Variants in ABCC9 observed in about 807,000 individuals in gnomAD.
ABCC9 encodes ATP-binding cassette sub-family C member 9.
In ABCC9, 95 loss-of-function variants were observed where a neutral mutation model predicts 188.3. The observed-to-expected ratio is 0.50, with a 90% CI of 0.43 to 0.60. The LOEUF (loss-of-function observed/expected upper bound fraction) is 0.60, where lower values mean the gene tolerates loss of function less well. ABCC9 is among the 20% of genes least tolerant of loss of function. The probability of loss-of-function intolerance (pLI) is 0.00; values close to 1 mark genes in which losing one functional copy is unlikely to be tolerated. For synonymous variants in ABCC9, 659 were observed against 652.7 expected (o/e 1.01, Z -0.15); for missense variants, 1,102 against 1,876.3 (o/e 0.59, Z 7.62).
intron 15 of ABCC9, among the ~76,000 whole-genome samples, chr12:21,886,499 A>G (rs773707359): frequency 6.6e-6 from 1 of 151,920 alleles, no homozygotes; most frequent in South Asian, 2.1e-4. Context: ...TCTAACCATC[A>G]TCCTCTCCTG....
At chr12:21,817,655 C>T (rs1480508275) in intron 32 of ABCC9, among the ~76,000 whole-genome samples, 1 of 152,018 alleles carries the variant, frequency 6.6e-6, no homozygotes, top group East Asian at 1.9e-4. Context: ...GACACGGATC[C>T]CAAACAGCTT....
Position 21,915,905 on chromosome 12 carries a change from A to G in ABCC9, c.579T>C (p.Tyr193=), listed in dbSNP as rs755954331. The change falls in exon 7 of 40, where the codon TAT becomes TAC. Residue 193 remains tyrosine (Y), a synonymous_variant. Coordinates refer to ENST00000261200, the MANE Select transcript of ABCC9 (RefSeq NM_020297.4). ...CTTTCTGAGGATTCATGAAAAATACATATCTCTGTGGCAAGAAAAATTCCA... is the reference window on the plus strand; with the variant it reads ...CTTTCTGAGGATTCATGAAAAATACGTATCTCTGTGGCAAGAAAAATTCCA... The part of the protein sequence containing the change: ...VEINVIRVRR[Y]VFFMNPQKVK... 4.3e-6 allele frequency: 7 copies of G among 1,612,166 alleles called. No individual in the cohort carries two copies. Among genetic ancestry groups the G allele is most frequent in the East Asian group, 2.2e-5 (1 of 44,770 alleles).
At chr12:21,837,812 T>A (rs1944178211) in intron 30 of ABCC9, among the ~76,000 whole-genome samples, 1 of 152,174 alleles carries the variant, frequency 6.6e-6, no homozygotes, top group South Asian at 2.1e-4. Context: ...GAAACCAAGG[T>A]TAGAGAATTC....
intron 22 of ABCC9, among the ~76,000 whole-genome samples, chr12:21,857,912 T>A (rs1225547422): frequency 6.6e-6 from 1 of 152,140 alleles, no homozygotes; most frequent in African/African-American, 2.4e-5. Context: ...TTATGGCAAT[T>A]TTTTATAGCA....
At chr12:21,866,434 G>A (rs931465017) in intron 18 of ABCC9, among the ~76,000 whole-genome samples, 1 of 152,024 alleles carries the variant, frequency 6.6e-6, no homozygotes, top group South Asian at 2.1e-4. Flanking sequence ...ACCTATAATC[G>A]TTCTTATAAA....
intron 7 of ABCC9, 87 bp from the exon 8 acceptor site, chr12:21,913,153 T>C: frequency 8.5e-7 from 1 of 1,174,126 alleles, no homozygotes; most frequent in East Asian, 2.4e-5. Flanking sequence ...GGAAATTCCT[T>C]CTTATACTTC....
chr12:21,937,130 G>A (rs756370115), intron 2 of ABCC9, among the ~76,000 whole-genome samples: 7 of 152,116 alleles, frequency 4.6e-5, no homozygotes, highest in Non-Finnish European at 1.0e-4. Context: ...AAGTTGTTCA[G>A]TAAACTGTGA....
At chr12:21,930,027 C>T (rs1443032502) in intron 4 of ABCC9, among the ~76,000 whole-genome samples, 1 of 144,302 alleles carries the variant, frequency 6.9e-6, no homozygotes, top group Non-Finnish European at 1.5e-5. Flanking sequence ...TATTCCCCTT[C>T]CTGTGTCCAA....
intron 30 of ABCC9, among the ~76,000 whole-genome samples, chr12:21,836,431 A>G (rs1944097621): frequency 6.6e-6 from 1 of 152,208 alleles, no homozygotes; most frequent in Non-Finnish European, 1.5e-5. Flanking sequence ...CATATAAAAT[A>G]GAAATCTTTA....
intron 22 of ABCC9, among the ~76,000 whole-genome samples, chr12:21,854,593 T>C (rs1001670078): frequency 1.3e-5 from 2 of 152,248 alleles, no homozygotes; most frequent in African/African-American, 4.8e-5. Flanking sequence ...TGCACATCAA[T>C]TATTTCTGAG....
chr12:21,898,877 A>G (rs757618748), intron 12 of ABCC9, among the ~76,000 whole-genome samples: 9 of 152,222 alleles, frequency 5.9e-5, no homozygotes, highest in Non-Finnish European at 1.2e-4. Context: ...TTGAAAATAT[A>G]TTGGAAAAAA....
intron 4 of ABCC9, among the ~76,000 whole-genome samples, chr12:21,927,257 G>A (rs138087257): frequency 5.3e-5 from 8 of 152,314 alleles, no homozygotes; most frequent in Non-Finnish European, 8.8e-5. Context: ...ATCTCAACCC[G>A]TGGAAAACTG....
intron 19 of ABCC9, 53 bp from the exon 20 acceptor site, chr12:21,863,107 G>A (rs1945604959): frequency 8.6e-7 from 1 of 1,162,522 alleles, no homozygotes; most frequent in Non-Finnish European, 1.3e-6. Context: ...AAGGTACTGT[G>A]CGTGTATGTA....
At chr12:21,845,298 AG>A (rs1944593855) in intron 26 of ABCC9, among the ~76,000 whole-genome samples, 1 of 152,112 alleles carries the variant, frequency 6.6e-6, no homozygotes, top group Non-Finnish European at 1.5e-5. Context: ...AAATACAAAA[AG>A]GTCCTCTGTG....
intron 4 of ABCC9, among the ~76,000 whole-genome samples, chr12:21,926,885 C>T (rs150361471): frequency 2.6e-4 from 40 of 152,312 alleles, no homozygotes; most frequent in African/African-American, 7.7e-4. Flanking sequence ...GTAGACAGCC[C>T]TCAACTCCAT....
At chr12:21,879,108 T>C (rs1255013366) in intron 16 of ABCC9, among the ~76,000 whole-genome samples, 2 of 152,208 alleles carry the variant, frequency 1.3e-5, no homozygotes, top group African/African-American at 4.8e-5. Flanking sequence ...TTCTACAAGA[T>C]ACAATGGTGC....
chr12:21,908,794 G>A (rs1454431594), intron 10 of ABCC9, among the ~76,000 whole-genome samples: 5 of 151,854 alleles, frequency 3.3e-5, no homozygotes, highest in Non-Finnish European at 7.4e-5. Context: ...AAAAGCTAAA[G>A]TTAGTGTCCT....
chr12:21,895,860 T>A (rs1947377837), intron 12 of ABCC9, among the ~76,000 whole-genome samples: 1 of 152,134 alleles, frequency 6.6e-6, no homozygotes, highest in Non-Finnish European at 1.5e-5. Flanking sequence ...TAACTGTCAC[T>A]GGATCAGCAT....
chr12:21,841,105 T>C (rs911459914), intron 29 of ABCC9, among the ~76,000 whole-genome samples: 2 of 152,226 alleles, frequency 1.3e-5, no homozygotes, highest in Admixed American at 1.3e-4. Flanking sequence ...TCACCTGTCA[T>C]GTGGCTTAAC....
Sources: allele counts gnomAD v4.1 joint callset (sites outside exome capture counted in the v4.1 genomes callset), GRCh38; gene constraint gnomAD v4.1.1; transcripts MANE v1.5; gene names NCBI Gene and HGNC (gene_info 2026-07-23, HGNC 2026-07-21).